LRRC37A2: variants seen among roughly 807,000 people sequenced by gnomAD.
The protein encoded by LRRC37A2 is leucine rich repeat containing 37 member A2.
A neutral mutation model predicts 68.8 loss-of-function variants in LRRC37A2; 9 were observed. The observed-to-expected ratio is 0.13, with a 90% CI of 0.08 to 0.23. LRRC37A2 has a LOEUF of 0.23. Ranked by LOEUF, LRRC37A2 falls within the 10% of genes least tolerant of loss-of-function variation. The pLI, the probability that LRRC37A2 is intolerant of heterozygous loss-of-function variation, is 1.00. For synonymous variants in LRRC37A2, 63 were observed against 367.6 expected (o/e 0.17, Z 9.48); for missense variants, 168 against 950.4 (o/e 0.18, Z 10.82).
the LRRC37A2 span, among the ~76,000 whole-genome samples, chr17:46,871,260 A>C: frequency 1.3e-5 from 2 of 152,120 alleles, no homozygotes; most frequent in Non-Finnish European, 2.9e-5. Flanking sequence ...GAACAGGGTT[A>C]CTTCTCTTGG....
At chr17:46,714,703 G>GT in the LRRC37A2 span, among the ~76,000 whole-genome samples, 220 of 152,292 alleles carry the variant, frequency 1.4e-3, no homozygotes, top group African/African-American at 5.0e-3. Flanking sequence ...GTTAGATCAT[G>GT]TTTCCATTGC....
the LRRC37A2 span, among the ~76,000 whole-genome samples, chr17:47,025,787 A>C: frequency 1.2e-4 from 15 of 125,858 alleles, no homozygotes; most frequent in Non-Finnish European, 2.0e-4. Context: ...AGAAGGCTTA[A>C]GGAAAGTGGG....
chr17:46,821,155 T>A, the LRRC37A2 span: 2 of 152,210 alleles, frequency 1.3e-5, no homozygotes, highest in African/African-American at 4.8e-5. Flanking sequence ...GCAGGTCATG[T>A]GCATCAGGCA....
the LRRC37A2 span, chr17:46,939,494 C>G: frequency 2.0e-6 from 2 of 986,204 alleles, no homozygotes; most frequent in African/African-American, 3.5e-5. Context: ...GAGTGGTTGG[C>G]TTTTAAGGTT....
the LRRC37A2 span, chr17:46,929,608 A>G: frequency 3.3e-6 from 4 of 1,211,776 alleles, no homozygotes; most frequent in Non-Finnish European, 4.9e-6. Flanking sequence ...TGTGGAGACC[A>G]GAGTCCTTTC....
At chr17:46,883,788 G>A in the LRRC37A2 span, among the ~76,000 whole-genome samples, 3 of 152,260 alleles carry the variant, frequency 2.0e-5, no homozygotes, top group East Asian at 1.9e-4. Flanking sequence ...CCTGCCACTT[G>A]GTCCTCCTTG....
the LRRC37A2 span, among the ~76,000 whole-genome samples, chr17:46,709,844 A>T: frequency 6.6e-6 from 1 of 152,174 alleles, no homozygotes; most frequent in East Asian, 1.9e-4. Flanking sequence ...TAGTTTCATC[A>T]TTACTTTTTA....
At chr17:46,938,863 C>T in the LRRC37A2 span, 4 of 1,582,778 alleles carry the variant, frequency 2.5e-6, no homozygotes, top group Admixed American at 5.4e-5. Context: ...AAATGTTTGC[C>T]TGTCTGAACT....
At chr17:46,871,409 C>A in the LRRC37A2 span, among the ~76,000 whole-genome samples, 1 of 152,178 alleles carries the variant, frequency 6.6e-6, no homozygotes, top group Admixed American at 6.5e-5. Context: ...CAATTCCCAC[C>A]CTGCTGCTGA....
chr17:46,871,223 C>T, the LRRC37A2 span, among the ~76,000 whole-genome samples: 1 of 152,130 alleles, frequency 6.6e-6, no homozygotes, highest in Non-Finnish European at 1.5e-5. Context: ...TGATCTTTTA[C>T]CCTGGCTATG....
the LRRC37A2 span, chr17:46,939,328 C>T: frequency 9.9e-7 from 1 of 1,011,898 alleles, no homozygotes; most frequent in Admixed American, 5.1e-5. Context: ...CTGGAAGCAG[C>T]TACCTAGGGG....
At chr17:46,982,070 C>G in the LRRC37A2 span, among the ~76,000 whole-genome samples, 2 of 152,126 alleles carry the variant, frequency 1.3e-5, no homozygotes, top group African/African-American at 4.8e-5. Flanking sequence ...CAACCTGGCT[C>G]AAGCTCCTCA....
At chr17:46,755,836 T>C in the LRRC37A2 span, 1 of 1,612,110 alleles carries the variant, frequency 6.2e-7, no homozygotes, top group Non-Finnish European at 8.5e-7. Flanking sequence ...ATGAACTATT[T>C]GAAACACACA....
the LRRC37A2 span, among the ~76,000 whole-genome samples, chr17:46,797,849 C>G: frequency 6.6e-6 from 1 of 152,320 alleles, no homozygotes; most frequent in Admixed American, 6.5e-5. Context: ...GGGCCACATG[C>G]AGTATAACAC....
At chr17:46,725,754 A>G in the LRRC37A2 span, among the ~76,000 whole-genome samples, 3 of 152,112 alleles carry the variant, frequency 2.0e-5, no homozygotes, top group African/African-American at 7.2e-5. Flanking sequence ...TACCAACCAG[A>G]GAGAGTGGGC....
At chr17:46,939,011 C>T in the LRRC37A2 span, 3 of 1,329,492 alleles carry the variant, frequency 2.3e-6, no homozygotes, top group South Asian at 2.9e-5. Flanking sequence ...CTCTCTCACT[C>T]TCGCTCTCAC....
the LRRC37A2 span, among the ~76,000 whole-genome samples, chr17:46,764,833 C>T: frequency 2.0e-5 from 3 of 152,152 alleles, no homozygotes; most frequent in South Asian, 2.1e-4. Context: ...GTAAGGCTTT[C>T]GAGTCCACAG....
At chr17:46,916,342 T>C in the LRRC37A2 span, among the ~76,000 whole-genome samples, 48,901 of 152,056 alleles carry the variant, frequency 0.32, 8,876 homozygotes, top group South Asian at 0.48. Context: ...GCTCCACCCA[T>C]GGGCCCTGAG....
At chr17:47,010,655 T>G in the LRRC37A2 span, 1 of 152,256 alleles carries the variant, frequency 6.6e-6, no homozygotes, top group African/African-American at 2.4e-5. Context: ...TGGGCAGGGC[T>G]GAAGCTTAGG....
Sources: gnomAD v4.1 joint callset for allele counts (sites outside exome capture counted in the v4.1 genomes callset) on GRCh38, gnomAD v4.1.1 for gene constraint, MANE v1.5 for transcripts, NCBI Gene and HGNC (gene_info 2026-07-23, HGNC 2026-07-21) for gene names.